Variants in MYBPC3 observed in about 807,000 individuals in gnomAD.
The protein encoded by MYBPC3 is myosin binding protein C3.
In MYBPC3, 108 loss-of-function variants were observed where a neutral mutation model predicts 159.3. The observed-to-expected ratio is 0.68, with a 90% CI of 0.58 to 0.80. The LOEUF (loss-of-function observed/expected upper bound fraction) is 0.80, where lower values mean the gene tolerates loss of function less well. Among genes scored for constraint, MYBPC3 ranks in the 30% least tolerant of loss-of-function variants. MYBPC3 has a pLI of 0.00. For missense variants in MYBPC3, 1,631 were observed against 1,762.1 expected, an observed-to-expected ratio of 0.93 and a Z score of 1.33; for synonymous variants, 730 against 702.0, an observed-to-expected ratio of 1.04 and a Z score of -0.63.
At chr11:47,348,966 C>T (rs534470707) in intron 5 of MYBPC3, among the ~76,000 whole-genome samples, 18 of 122,598 alleles carry the variant, frequency 1.5e-4, no homozygotes, top group East Asian at 4.9e-4. Context: ...CATCGATCTT[C>T]GCACCCTCAG....
At chr11:47,334,907 C>T in intron 27 of MYBPC3, 135 bp downstream of exon 27, 1 of 1,110,174 alleles carries the variant, frequency 9.0e-7, no homozygotes, top group Non-Finnish European at 1.2e-6. Context: ...TGGACGATGG[C>T]TCCAACCCCT....
In MYBPC3 at chr11:47,343,025, C is replaced by T. The variant is rs539453748; in HGVS notation, c.1347G>A (p.Val449=). The part of the protein sequence containing the change: ...GGEKCSTELF[V]KEPPVLITRP... The stretch of plus-strand genomic sequence containing the variant: ...ATCCTCAGGTCCCAGGCCCACCTTT[C>T]ACAAAGAGCTCCGTGCTACACTTCT... The change falls in exon 15 of 35, where the codon GTG becomes GTA. Residue 449 remains valine, a synonymous_variant. Coordinates refer to ENST00000545968, the MANE Select transcript of MYBPC3 (RefSeq NM_000256.3). 1 of 1,613,146 alleles carries T rather than the reference C, an allele frequency of 6.2e-7. No individual in the cohort carries two copies. Among genetic ancestry groups the T allele is most frequent in the Non-Finnish European group, 8.5e-7 (1 of 1,179,762 alleles).
chr11:47,335,511 G>A (rs1466262965), intron 26 of MYBPC3: 4 of 286,408 alleles, frequency 1.4e-5, no homozygotes, highest in Admixed American at 5.1e-5. Context: ...ATTTTTAGTA[G>A]AGACGGGGTT....
chr11:47,348,107 AT>A (rs777844774), intron 6 of MYBPC3, among the ~76,000 whole-genome samples: 1 of 152,102 alleles, frequency 6.6e-6, no homozygotes, highest in South Asian at 2.1e-4. Context: ...ATTGTCCCCA[AT>A]TCCCACCCAT....
intron 7 of MYBPC3, 50 bp from the exon 8 acceptor site, chr11:47,347,730 C>T: frequency 6.4e-7 from 1 of 1,552,506 alleles, no homozygotes; most frequent in East Asian, 2.4e-5. Flanking sequence ...GCTTGCTCTC[C>T]CCTGCAGCCC....
At position 47,339,798 on chromosome 11, in the gene MYBPC3, A is replaced by G; in HGVS notation, c.1928-8T>C. The stretch of plus-strand genomic sequence containing the variant: ...GGTGGATCTTGGGAGGTTCTGCAGA[A>G]GACACAATGTAGTTCAGAGAAACGG... On this transcript the variant is annotated splice_region_variant and splice_polypyrimidine_tract_variant and intron_variant, in intron 20 of 34. Coordinates refer to ENST00000545968, the MANE Select transcript of MYBPC3 (RefSeq NM_000256.3). The G allele has an allele frequency of 6.2e-7, 1 of 1,612,996 alleles. No homozygotes were observed. The highest frequency in any genetic ancestry group is 8.5e-7 in the Non-Finnish European group (1 of 1,179,076).
At position 47,339,710 on chromosome 11, in the gene MYBPC3, C is replaced by A; in HGVS notation, c.2008G>T (p.Asp670Tyr). 4 of 1,613,890 alleles carry A rather than the reference C, an allele frequency of 2.5e-6. No individual in the cohort carries two copies. Among genetic ancestry groups the A allele is most frequent in the Non-Finnish European group, 3.4e-6 (4 of 1,179,794 alleles). Reference protein sequence around the residue: ...VVVAGNKLRLDVPISGDPAPT... With the variant: ...VVVAGNKLRLYVPISGDPAPT... ...GCAGGGTCCCCAGAGATAGGGACGT[C>A]CAGACGTAGCTTATTTCCAGCTACA... The change falls in exon 21 of 35, where the codon GAC becomes TAC. Residue 670 changes from aspartate to tyrosine, a missense_variant. Asp to Tyr is a radical substitution (Grantham distance 160). Transcript: ENST00000545968.
At chr11:47,348,930 A>ATATAT (rs1291880008) in intron 5 of MYBPC3, among the ~76,000 whole-genome samples, 23 of 133,602 alleles carry the variant, frequency 1.7e-4, no homozygotes, top group Admixed American at 3.0e-4. Context: ...ATATATATTT[A>ATATAT]AAGGAGGCTG....
chr11:47,349,881 G>T lies in MYBPC3; in HGVS notation c.547C>A (p.Leu183Ile). Residue 183 changes from leucine to isoleucine, a missense_variant, in exon 5 of 35, where the codon CTC (leucine) becomes ATC (isoleucine). Transcript: ENST00000545968. ...TFSARVAGAS[L>I]LKPPVVKWFK... is the part of the protein sequence containing the mutation. The stretch of plus-strand genomic sequence containing the variant: ...CACTTGACCACAGGCGGCTTCAGGA[G>T]GCTGGCGCCGGCCACGCGGGCTGAG... 6.2e-7 allele frequency: 1 copy of T among 1,611,580 alleles called. No homozygotes were observed. Among genetic ancestry groups the T allele is most frequent in the African/African-American group, 1.3e-5 (1 of 75,034 alleles).
At chr11:47,348,908 TTATATATA>T (rs58411933) in intron 5 of MYBPC3, among the ~76,000 whole-genome samples, 5 of 39,884 alleles carry the variant, frequency 1.3e-4, no homozygotes, top group Admixed American at 1.2e-3. Flanking sequence ...CTGTCTCAAA[TTATATATA>T]TATATATATA....
chr11:47,333,738 A>C lies in MYBPC3; in HGVS notation c.3009T>G (p.Pro1003=), dbSNP rs749611054. Residue 1003 remains proline (P), a synonymous_variant, in exon 29 of 35, where the codon CCT becomes CCG. Transcript: ENST00000545968. Reference sequence around the variant, plus strand: ...GCCCCTCTTTGGTCCAGGTCACCTGAGGCCGGGGCTTGCCCTGAGGGGAGG... The same window carrying C: ...GCCCCTCTTTGGTCCAGGTCACCTGCGGCCGGGGCTTGCCCTGAGGGGAGG... ...LLIPFQGKPR[P]QVTWTKEGQP... is the part of the protein sequence containing the mutation. The C allele has an allele frequency of 4.4e-6, 7 of 1,601,794 alleles. No individual in the cohort carries two copies. The South Asian group carries it at 7.8e-5, about 18-fold the overall frequency.
At position 47,350,026 on chromosome 11, in the gene MYBPC3, C is replaced by T. The variant is rs867067602; in HGVS notation, c.493G>A (p.Glu165Lys). 1.3e-6 allele frequency: 2 copies of T among 1,561,426 alleles called. No individual in the cohort carries two copies. The highest frequency in any genetic ancestry group is 1.7e-6 in the Non-Finnish European group (2 of 1,152,822). Residue 165 changes from glutamate to lysine, a missense_variant, in exon 4 of 35, where the codon GAG (glutamate) becomes AAG (lysine). By Grantham distance (56) the Glu-to-Lys change is moderately conservative. Coordinates refer to ENST00000545968, the MANE Select transcript of MYBPC3 (RefSeq NM_000256.3). ...AGCTCACACTCACCCACGGTCACCT[C>T]GCCATCCTGTGGCCGCATCACGAAG... ...GLFVMRPQDG[E>K]VTVGGSITFS...
chr11:47,335,238 A>G, intron 26 of MYBPC3, 29 bp from the exon 27 acceptor site: 2 of 1,553,898 alleles, frequency 1.3e-6, no homozygotes, highest in Non-Finnish European at 1.7e-6. Context: ...AGGCAAGGCC[A>G]CAGGCTGTGT....
intron 27 of MYBPC3, among the ~76,000 whole-genome samples, chr11:47,334,587 G>A (rs1380656180): frequency 6.7e-6 from 1 of 149,280 alleles, no homozygotes. Context: ...TTGAGACGTT[G>A]TCTCACTCTG....
At chr11:47,344,200 C>T (rs1224017721) in intron 12 of MYBPC3, among the ~76,000 whole-genome samples, 1 of 152,198 alleles carries the variant, frequency 6.6e-6, no homozygotes, top group African/African-American at 2.4e-5. Flanking sequence ...TTAGGGGCTT[C>T]CAGAAAGACA....
At position 47,341,204 on chromosome 11, in the gene MYBPC3, C is replaced by T. The variant is rs730880555; in HGVS notation, c.1831G>A (p.Glu611Lys). 1.6e-5 allele frequency: 25 copies of T among 1,599,660 alleles called. No individual in the cohort carries two copies. The highest frequency in any genetic ancestry group is 2.3e-5 in the South Asian group (2 of 88,230). Residue 611 changes from glutamate (E) to lysine (K), a missense_variant, in exon 19 of 35, where the codon GAG (glutamate) becomes AAG (lysine). By Grantham distance (56) the Glu-to-Lys change is moderately conservative. Transcript: ENST00000545968. ...TCGGGCACAAAGCTGTAGTCAGCCT[C>T]GTCGGCAGGTGTGACGTCGTCAATG... The part of the protein sequence containing the change: ...LTIDDVTPAD[E>K]ADYSFVPEGF...
chr11:47,336,224 A>C (rs1026671237), intron 25 of MYBPC3: 4 of 378,360 alleles, frequency 1.1e-5, no homozygotes, highest in African/African-American at 8.4e-5. Context: ...ACGGTGGCTC[A>C]CGCCTGTAAT....
At chr11:47,333,153 C>T (rs766986059) in intron 30 of MYBPC3, 41 bp downstream of exon 30, 4 of 1,582,770 alleles carry the variant, frequency 2.5e-6, no homozygotes, top group Admixed American at 1.8e-5. Flanking sequence ...TCTGCCGGGC[C>T]TAGGCAGGGT....
rs1415446045 is a variant in MYBPC3, at chr11:47,347,476, A to G, written c.855T>C (p.Asp285=). The G allele has an allele frequency of 1.3e-6, 2 of 1,596,400 alleles. No homozygotes were observed. The highest frequency in any genetic ancestry group is 1.1e-5 in the South Asian group (1 of 87,640). Reference sequence around the variant, plus strand: ...CCAGAATCCCAGTGTCCTCATGGCTATCACTATGGAGAGGGACCCCCAGTG... The same window carrying G: ...CCAGAATCCCAGTGTCCTCATGGCTGTCACTATGGAGAGGGACCCCCAGTG... The part of the protein sequence containing the change: ...SLAGGGRRIS[D]SHEDTGILDF... The change falls in exon 9 of 35, where the codon GAT becomes GAC. Residue 285 remains aspartate, a synonymous_variant. Coordinates refer to ENST00000545968, the MANE Select transcript of MYBPC3 (RefSeq NM_000256.3).
Sources: gnomAD v4.1 joint callset for allele counts (sites outside exome capture counted in the v4.1 genomes callset) on GRCh38, gnomAD v4.1.1 for gene constraint, MANE v1.5 for transcripts, NCBI Gene and HGNC (gene_info 2026-07-23, HGNC 2026-07-21) for gene names.